The following PLBD2 variants were observed in gnomAD, a reference collection of about 807,000 sequenced individuals.
The protein encoded by PLBD2 is putative aminopeptidase PLBD2.
PLBD2 carries 51 observed loss-of-function variants against 68.3 expected under a neutral mutation model. The ratio of observed to expected loss-of-function variants is 0.75; its 90% CI spans 0.60 to 0.94. The LOEUF is 0.94. Ranked by LOEUF, PLBD2 falls within the 40% of genes least tolerant of loss-of-function variation. PLBD2 has a pLI of 0.00. For synonymous variants in PLBD2, 314 were observed against 339.3 expected, an observed-to-expected ratio of 0.93 and a Z score of 0.82; for missense variants, 729 against 792.2, an observed-to-expected ratio of 0.92 and a Z score of 0.96.
chr12:113,369,665 A>G (rs368185429), intron 2 of PLBD2, among the ~76,000 whole-genome samples: 1 of 152,172 alleles, frequency 6.6e-6, no homozygotes, highest in East Asian at 1.9e-4. Flanking sequence ...GCTAAACGAA[A>G]AAAACCAGTC....
At chr12:113,369,321 C>T in intron 2 of PLBD2, 112 bp downstream of exon 2, 1 of 724,740 alleles carries the variant, frequency 1.4e-6, no homozygotes, top group South Asian at 3.1e-5. Context: ...CCTGCCACAG[C>T]CCTTCATCTA....
At chr12:113,378,306 A>T (rs1957451848) in intron 5 of PLBD2, among the ~76,000 whole-genome samples, 1 of 151,766 alleles carries the variant, frequency 6.6e-6, no homozygotes, top group African/African-American at 2.4e-5. Flanking sequence ...AAAAAAAAAA[A>T]TTTCCAAGGG....
chr12:113,386,950 G>A lies in PLBD2; in HGVS notation c.1300G>A (p.Val434Met), dbSNP rs375833897. Residue 434 changes from valine to methionine, a missense_variant, in exon 10 of 12, where the codon GTG becomes ATG. Physicochemically the swap from Val to Met is conservative, Grantham distance 21. Coordinates refer to ENST00000280800, the MANE Select transcript of PLBD2 (RefSeq NM_173542.4). ...TGTCCCCGGCAGGTCCTTCGAGACT[G>A]TGTTCAATGCCAGTGGGCTGCAGGC... ...ASYNIPSFET[V>M]FNASGLQALV... is the part of the protein sequence containing the mutation. The A allele has an allele frequency of 3.7e-5, 60 of 1,613,150 alleles. No homozygotes were observed. The highest frequency in any genetic ancestry group is 8.0e-5 in the African/African-American group (6 of 74,912).
rs975874159 is a variant in PLBD2 at position 113,388,715 on chromosome 12, C to T, written c.*89C>T. 3.6e-6 allele frequency: 5 copies of T among 1,404,990 alleles called. No individual in the cohort carries two copies. In the African/African-American group the frequency reaches 5.8e-5, roughly 16 times the overall value. 87.0% of individuals were successfully genotyped at this position (1,404,990 alleles called of 1,614,324 possible). A position where few individuals can be genotyped will look rare whatever the true frequency, so the allele number is the denominator to read the frequency against. ...AGGCCACCGGACTTCTAACTCCAGC[C>T]CCTCCTGGGGGCTTCGTTCTCTGAT... On this transcript the variant is annotated 3_prime_UTR_variant, in exon 12 of 12. Transcript: ENST00000280800.
chr12:113,377,952 A>C (rs1293055246), intron 5 of PLBD2, among the ~76,000 whole-genome samples: 3 of 152,238 alleles, frequency 2.0e-5, no homozygotes, highest in Non-Finnish European at 4.4e-5. Context: ...TCCACAACCC[A>C]AAAGAGAACA....
In PLBD2 at chr12:113,377,294, C is replaced by T. The variant is rs148320987; in HGVS notation, c.859+2287C>T. Among the ~76,000 whole-genome samples, 799 of 152,258 alleles carry T rather than the reference C, an allele frequency of 5.2e-3. 6 individuals are homozygous for T. The highest frequency in any genetic ancestry group is 0.017 in the African/African-American group (694 of 41,538). On this transcript the variant is annotated intron_variant, in intron 5 of 11. Coordinates refer to ENST00000280800, the MANE Select transcript of PLBD2 (RefSeq NM_173542.4). ...AAGTGTACAACTTGAATTTCTTGCA[C>T]GTGGAACACACCTGTGTATAGCATC...
At chr12:113,387,638 A>G (rs775581128) in intron 10 of PLBD2, 106 bp from the exon 11 acceptor site, 21 of 1,280,532 alleles carry the variant, frequency 1.6e-5, no homozygotes, top group Non-Finnish European at 2.3e-5. Flanking sequence ...GGGCTCATCA[A>G]GTTGAAGGCT....
intron 1 of PLBD2, among the ~76,000 whole-genome samples, chr12:113,366,657 G>C (rs747057851): frequency 6.6e-6 from 1 of 151,556 alleles, no homozygotes. Context: ...AAATTATTTC[G>C]TGTAGACAGA....
chr12:113,374,692 C>T (rs1957422591), intron 4 of PLBD2, 101 bp from the exon 5 acceptor site: 8 of 1,485,004 alleles, frequency 5.4e-6, no homozygotes, highest in Non-Finnish European at 7.4e-6. Context: ...TTGGAACAGT[C>T]AGCTGACTTC....
intron 2 of PLBD2, among the ~76,000 whole-genome samples, chr12:113,371,503 A>T (rs779468735): frequency 9.6e-4 from 146 of 152,130 alleles, no homozygotes; most frequent in Non-Finnish European, 1.7e-3. Flanking sequence ...GCCCTCTGGG[A>T]CCTTAGTGTC....
intron 1 of PLBD2, among the ~76,000 whole-genome samples, chr12:113,361,330 T>TTTTG (rs1957292569): frequency 6.7e-6 from 1 of 150,202 alleles, no homozygotes; most frequent in South Asian, 2.1e-4. Context: ...AAAAAAGGTT[T>TTTTG]TTTTTTTTTT....
intron 5 of PLBD2, among the ~76,000 whole-genome samples, chr12:113,379,659 G>C (rs771164152): frequency 6.6e-6 from 1 of 151,986 alleles, no homozygotes; most frequent in Non-Finnish European, 1.5e-5. Flanking sequence ...TTCTAGGGCA[G>C]GGGTGAGGGT....
chr12:113,382,868 T>TGTGTGTGTGTGTGTGTG (rs1491184280), intron 6 of PLBD2, among the ~76,000 whole-genome samples: 3 of 83,502 alleles, frequency 3.6e-5, no homozygotes, highest in African/African-American at 1.4e-4. Flanking sequence ...TGTGTGTGTG[T>TGTGTGTGTGTGTGTGTG]TTTTTTTTTT....
chr12:113,377,565 A>G (rs146242384), intron 5 of PLBD2, among the ~76,000 whole-genome samples: 1 of 152,298 alleles, frequency 6.6e-6, no homozygotes, highest in East Asian at 1.9e-4. Flanking sequence ...AGCTGGGATT[A>G]CAGGCACACA....
At chr12:113,359,273 GC>G in intron 1 of PLBD2, 1 of 195,806 alleles carries the variant, frequency 5.1e-6, no homozygotes, top group Non-Finnish European at 1.0e-5. Context: ...ATGGAGGCCA[GC>G]CCCCTGTCCC....
At chr12:113,375,312 ATTTGT>A (rs1410710499) in intron 5 of PLBD2, 1 of 388,240 alleles carries the variant, frequency 2.6e-6, no homozygotes, top group African/African-American at 2.1e-5. Context: ...CACTCAGCTA[ATTTGT>A]TTATTTTTTT....
intron 1 of PLBD2, among the ~76,000 whole-genome samples, chr12:113,364,479 T>A (rs1431589001): frequency 6.6e-6 from 1 of 151,978 alleles, no homozygotes; most frequent in Non-Finnish European, 1.5e-5. Context: ...TCTTTTTTTT[T>A]TTTTAATGAG....
Position 113,358,899 on chromosome 12 carries a change from T to G in PLBD2, c.290+9T>G. The stretch of plus-strand genomic sequence containing the variant: ...GCCATCCGCGAGACTGGGTAAGGGT[T>G]GGCTTATCCCCACGCGGGGCCATCG... On this transcript the variant is annotated intron_variant, in intron 1 of 11. Transcript: ENST00000280800. 6.6e-7 allele frequency: 1 copy of G among 1,510,586 alleles called. No homozygotes were observed. The highest frequency in any genetic ancestry group is 8.8e-7 in the Non-Finnish European group (1 of 1,132,202). 93.6% of individuals were successfully genotyped at this position (1,510,586 alleles called of 1,614,324 possible). A position where few individuals can be genotyped will look rare whatever the true frequency, so the allele number is the denominator to read the frequency against.
intron 1 of PLBD2, among the ~76,000 whole-genome samples, chr12:113,361,414 A>C (rs1023748032): frequency 7.4e-6 from 1 of 135,146 alleles, no homozygotes; most frequent in African/African-American, 2.8e-5. Context: ...ATCATGGCTC[A>C]CTGCAGCCTT....
Sources: allele counts gnomAD v4.1 joint callset (sites outside exome capture counted in the v4.1 genomes callset), GRCh38; gene constraint gnomAD v4.1.1; transcripts MANE v1.5; gene names NCBI Gene and HGNC (gene_info 2026-07-23, HGNC 2026-07-21).